Variants in XCR1 observed in about 807,000 individuals in gnomAD.
The protein encoded by XCR1 is chemokine XC receptor 1.
For synonymous variants in XCR1, 187 were observed against 188.5 expected (o/e 0.99, Z 0.06); for missense variants, 356 against 424.2 (o/e 0.84, Z 1.41).
intron 5 of XCR1, among the ~76,000 whole-genome samples, chr3:46,039,782 A>G (rs1427196625): frequency 1.3e-5 from 2 of 152,186 alleles, no homozygotes; most frequent in Non-Finnish European, 2.9e-5. Context: ...TATTGCAAGG[A>G]TCAATTTTGA....
intron 3 of XCR1, among the ~76,000 whole-genome samples, chr3:46,068,809 G>T (rs1028182826): frequency 1.3e-5 from 2 of 149,698 alleles, no homozygotes; most frequent in African/African-American, 5.0e-5. Flanking sequence ...TGTGTGTATG[G>T]TTTCTTATAT....
At chr3:46,076,532 T>C (rs1378604455) in intron 2 of XCR1, among the ~76,000 whole-genome samples, 1 of 150,324 alleles carries the variant, frequency 6.7e-6, no homozygotes, top group Non-Finnish European at 1.5e-5. Context: ...TGTTGGTCAA[T>C]GATTGCCATT....
intron 5 of XCR1, among the ~76,000 whole-genome samples, chr3:46,042,566 G>A (rs1156948205): frequency 6.6e-6 from 1 of 152,118 alleles, no homozygotes; most frequent in Non-Finnish European, 1.5e-5. Context: ...AACAAATTGG[G>A]TAACTGATAA....
chr3:46,039,687 G>A (rs7638309), intron 5 of XCR1, among the ~76,000 whole-genome samples: 124,891 of 152,156 alleles, frequency 0.82, 51,799 homozygotes, highest in East Asian at 0.99. Flanking sequence ...CAAAATGAAC[G>A]GTTTTCCTAA....
intron 5 of XCR1, among the ~76,000 whole-genome samples, chr3:46,053,914 A>T (rs776991606): frequency 1.3e-5 from 2 of 151,336 alleles, no homozygotes; most frequent in African/African-American, 2.4e-5. Flanking sequence ...TCTTTAGGGC[A>T]CTGACCATAA....
chr3:46,074,214 C>CTTTTTTTTTTTTTTTTT lies in XCR1; in HGVS notation c.-263+420_-263+436dup, dbSNP rs35124592. On this transcript the variant is annotated intron_variant, in intron 3 of 5. Transcript: ENST00000683768. Reference sequence around the variant, plus strand: ...CAACACGAATGGAACTGAAGGCCATCTTTTTTTTTTTTTTTTTTTTTTTTT... The same window carrying CTTTTTTTTTTTTTTTTT: ...CAACACGAATGGAACTGAAGGCCATCTTTTTTTTTTTTTTTTTTTTTTTTTTTTTTTTTTTTTTTTTT... 2.4e-3 allele frequency among the ~76,000 whole-genome samples: 209 copies of CTTTTTTTTTTTTTTTTT among 86,652 alleles called. 18 individuals are homozygous for CTTTTTTTTTTTTTTTTT. The highest frequency in any genetic ancestry group is 4.0e-3 in the African/African-American group (92 of 23,218). 56.8% of individuals were successfully genotyped at this position (86,652 alleles called of 152,430 possible).
In XCR1 at chr3:46,019,630, G is replaced by C. The variant is rs1356424985; in HGVS notation, c.*1316C>G. ...GAGATATGTGTCTGAAAGAAGGCCAGTGGTGTTTTGGGGTTGGATCCCAAG... is the reference window on the plus strand; with the variant it reads ...GAGATATGTGTCTGAAAGAAGGCCACTGGTGTTTTGGGGTTGGATCCCAAG... On this transcript the variant is annotated 3_prime_UTR_variant, in exon 2 of 2. Coordinates refer to ENST00000309285, the MANE Select transcript of XCR1 (RefSeq NM_001024644.2). 1.3e-5 allele frequency: 2 copies of C among 152,430 alleles called. No individual in the cohort carries two copies. Among genetic ancestry groups the C allele is most frequent in the East Asian group, 3.8e-4 (2 of 5,204 alleles). 9.4% of individuals were successfully genotyped at this position (152,430 alleles called of 1,614,324 possible).
At chr3:46,028,058 G>A (rs1430564254), upstream of XCR1, among the ~76,000 whole-genome samples, 3 of 152,062 alleles carry the variant, frequency 2.0e-5, no homozygotes, top group African/African-American at 7.2e-5. Context: ...CTCATTCTAA[G>A]CCTGTAAAAA....
At chr3:46,025,418 AAGAGAGAG>A (rs897003864) in intron 1 of XCR1, among the ~76,000 whole-genome samples, 1 of 149,940 alleles carries the variant, frequency 6.7e-6, no homozygotes, top group Non-Finnish European at 1.5e-5. Flanking sequence ...GAAATAAAGA[AAGAGAGAG>A]AGAGAGAGAG....
At chr3:46,030,163 C>A, upstream of XCR1, among the ~76,000 whole-genome samples, 1 of 152,040 alleles carries the variant, frequency 6.6e-6, no homozygotes. Flanking sequence ...CTTTTCCCCC[C>A]ACCGTGTTTA....
intron 5 of XCR1, among the ~76,000 whole-genome samples, chr3:46,045,839 C>T (rs1575422461): frequency 6.6e-6 from 1 of 152,076 alleles, no homozygotes; most frequent in Non-Finnish European, 1.5e-5. Flanking sequence ...ATAAAGCTAC[C>T]GTTGGATCCT....
rs888580541 is a variant in XCR1, at chr3:46,020,721, T to A, written c.*225A>T. 1.7e-6 allele frequency: 1 copy of A among 591,174 alleles called. No individual in the cohort carries two copies. The highest frequency in any genetic ancestry group is 2.9e-5 in the East Asian group (1 of 34,972). 36.6% of individuals were successfully genotyped at this position (591,174 alleles called of 1,614,324 possible). ...GATGAACTCAGAGTTCAAGAAATGT[T>A]TTTTTGGATGGCAGTATAAAATTCC... On this transcript the variant is annotated 3_prime_UTR_variant, in exon 2 of 2. Transcript: ENST00000309285.
chr3:46,025,489 A>T (rs895061850), intron 1 of XCR1, among the ~76,000 whole-genome samples: 1 of 152,206 alleles, frequency 6.6e-6, no homozygotes, highest in Non-Finnish European at 1.5e-5. Context: ...AACAAAGAGA[A>T]ATATGTTACA....
chr3:46,059,833 A>G (rs1174916449), intron 4 of XCR1, among the ~76,000 whole-genome samples: 3 of 152,344 alleles, frequency 2.0e-5, no homozygotes, highest in Non-Finnish European at 1.5e-5. Flanking sequence ...TATCGTCTAT[A>G]TTTATATCTA....
chr3:46,085,559 C>T (rs922688649), intron 1 of XCR1, among the ~76,000 whole-genome samples: 1 of 152,208 alleles, frequency 6.6e-6, no homozygotes, highest in Non-Finnish European at 1.5e-5. Context: ...GAATAGGCCA[C>T]GTTCACTCTC....
rs377699037 is a variant in XCR1, at chr3:46,021,707, C to T, written c.241G>A (p.Ala81Thr). Residue 81 changes from alanine to threonine, a missense_variant, in exon 2 of 2, where the codon GCC (alanine) becomes ACC (threonine). By Grantham distance (58) the Ala-to-Thr change is moderately conservative. Transcript: ENST00000309285. This position sits in a 1 kb window ranked among gnomAD's most constrained non-coding sequence, Gnocchi z 4.7. The stretch of plus-strand genomic sequence containing the variant: ...GAGATCCACACAGGCAACAAGCAGG[C>T]GAACACCAGGTCTGAGAGGCACAGG... ...LNLCLSDLVF[A>T]CLLPVWISPY... is the part of the protein sequence containing the mutation. The T allele has an allele frequency of 1.2e-5, 19 of 1,613,892 alleles. No individual in the cohort carries two copies. The highest frequency in any genetic ancestry group is 3.3e-5 in the Admixed American group (2 of 59,986).
At chr3:46,060,019 G>A (rs766688780) in intron 4 of XCR1, among the ~76,000 whole-genome samples, 3 of 152,152 alleles carry the variant, frequency 2.0e-5, no homozygotes, top group Middle Eastern at 3.2e-3. Context: ...TACATCTTAT[G>A]TTAGATGATA....
At chr3:46,081,486 A>G (rs1575446365) in intron 1 of XCR1, among the ~76,000 whole-genome samples, 1 of 152,234 alleles carries the variant, frequency 6.6e-6, no homozygotes, top group African/African-American at 2.4e-5. Context: ...AGAACTCAAA[A>G]TTAATCAAGA....
At position 46,021,022 on chromosome 3, in the gene XCR1, C is replaced by T. The variant is rs762567904; in HGVS notation, c.926G>A (p.Arg309Gln). 1.5e-5 allele frequency: 24 copies of T among 1,613,356 alleles called. No homozygotes were observed. Among genetic ancestry groups the T allele is most frequent in the African/African-American group, 2.7e-5 (2 of 74,902 alleles). Residue 309 changes from arginine to glutamine, a missense_variant, in exon 2 of 2, where the codon CGG (arginine) becomes CAG (glutamine). Physicochemically the swap from Arg to Gln is conservative, Grantham distance 43. Transcript: ENST00000309285. The surrounding 1 kb of genome is among the most constrained non-coding windows in gnomAD (Gnocchi z 4.7). The part of the protein sequence containing the change: ...KHVLRQFWFC[R>Q]LQAPSPASIP... ...CGAGGCTGGGCTGGGTGCCTGCAGCCGGCAGAACCAGAACTGCCGGAGAAC... is the reference window on the plus strand; with the variant it reads ...CGAGGCTGGGCTGGGTGCCTGCAGCTGGCAGAACCAGAACTGCCGGAGAAC...
Sources: allele counts gnomAD v4.1 joint callset (sites outside exome capture counted in the v4.1 genomes callset), GRCh38; gene constraint gnomAD v4.1.1; non-coding constraint Gnocchi (gnomAD v3.1); transcripts MANE v1.5; gene names NCBI Gene and HGNC (gene_info 2026-07-23, HGNC 2026-07-21).